The following MBD3L1 variants were observed in gnomAD, a reference collection of about 807,000 sequenced individuals.
MBD3L1 encodes methyl-CpG binding domain protein 3 like 1.
For synonymous variants in MBD3L1, 84 were observed against 85.1 expected, an observed-to-expected ratio of 0.99 and a Z score of 0.07; for missense variants, 203 against 230.1, an observed-to-expected ratio of 0.88 and a Z score of 0.76.
chr19:8,838,574 A>G (rs1396665213), intron 1 of MBD3L1, among the ~76,000 whole-genome samples: 1 of 152,166 alleles, frequency 6.6e-6, no homozygotes, highest in African/African-American at 2.4e-5. Context: ...CACACAATGA[A>G]TTCTAAAAGT....
intron 1 of MBD3L1, among the ~76,000 whole-genome samples, chr19:8,840,552 G>A (rs766417783): frequency 3.3e-5 from 5 of 152,084 alleles, no homozygotes; most frequent in South Asian, 2.1e-4. Flanking sequence ...TGGCCCTCCC[G>A]CCTCAGCCTA....
chr19:8,836,338 C>T (rs879635639), intron 1 of MBD3L1, among the ~76,000 whole-genome samples: 8 of 151,852 alleles, frequency 5.3e-5, no homozygotes, highest in African/African-American at 1.2e-4. Context: ...GAGTTCTTCT[C>T]TTCTTCCTCT....
intron 1 of MBD3L1, among the ~76,000 whole-genome samples, chr19:8,839,451 C>T (rs986514633): frequency 1.3e-5 from 2 of 152,044 alleles, no homozygotes; most frequent in Non-Finnish European, 2.9e-5. Flanking sequence ...CTGCCCGCCT[C>T]GGCCTCCCAA....
intron 1 of MBD3L1, among the ~76,000 whole-genome samples, chr19:8,836,468 C>T (rs1427644437): frequency 1.3e-5 from 2 of 150,346 alleles, no homozygotes; most frequent in African/African-American, 2.4e-5. Context: ...TCCTCCTCCC[C>T]CCCTCTCCTC....
chr19:8,837,417 A>G (rs2044466496), intron 1 of MBD3L1, among the ~76,000 whole-genome samples: 1 of 152,170 alleles, frequency 6.6e-6, no homozygotes, highest in Non-Finnish European at 1.5e-5. Context: ...TACAATCGGG[A>G]TATATTGTTA....
At position 8,840,071 on chromosome 19, in the gene MBD3L1, C is replaced by T. The variant is rs143052934; in HGVS notation, c.-106-844C>T. 9.5e-3 allele frequency among the ~76,000 whole-genome samples: 1,440 copies of T among 151,682 alleles called. 19 individuals are homozygous for T. Among genetic ancestry groups the T allele is most frequent in the African/African-American group, 0.033 (1,352 of 41,324 alleles). ...TAGAGGTATGTGCCTGTAATCCCAG[C>T]TACTTGGGAGGCTGAGGCAAGATAA... On this transcript the variant is annotated intron_variant, in intron 1 of 2. Transcript: ENST00000595891.
At chr19:8,835,639 A>G (rs2044447467) in intron 1 of MBD3L1, among the ~76,000 whole-genome samples, 1 of 152,346 alleles carries the variant, frequency 6.6e-6, no homozygotes, top group East Asian at 1.9e-4. Flanking sequence ...AAAAAGTCAT[A>G]GAGTTGCCAC....
chr19:8,836,941 G>A (rs1003600552), intron 1 of MBD3L1, among the ~76,000 whole-genome samples: 2 of 152,160 alleles, frequency 1.3e-5, no homozygotes, highest in African/African-American at 4.8e-5. Context: ...GAACAAGCCA[G>A]TAAAAACATC....
intron 1 of MBD3L1, among the ~76,000 whole-genome samples, chr19:8,839,216 G>T (rs1396473527): frequency 8.2e-6 from 1 of 121,880 alleles, no homozygotes; most frequent in Admixed American, 1.0e-4. Flanking sequence ...ACAGAGTCTC[G>T]CACTGTCGCC....
intron 1 of MBD3L1, among the ~76,000 whole-genome samples, chr19:8,838,196 C>T (rs941065424): frequency 3.5e-4 from 48 of 136,642 alleles, no homozygotes; most frequent in African/African-American, 1.3e-3. Context: ...TGCAGTGAGC[C>T]GAGATCGCAT....
At chr19:8,834,476 C>T (rs566600446) in intron 1 of MBD3L1, among the ~76,000 whole-genome samples, 1 of 151,952 alleles carries the variant, frequency 6.6e-6, no homozygotes, top group Admixed American at 6.6e-5. Context: ...GGCGTGGTGG[C>T]GGGCGCCTAT....
At chr19:8,839,523 C>A (rs2044489904) in intron 1 of MBD3L1, among the ~76,000 whole-genome samples, 1 of 152,070 alleles carries the variant, frequency 6.6e-6, no homozygotes, top group Non-Finnish European at 1.5e-5. Flanking sequence ...CTAGGGTTCA[C>A]AGCTGTAAAG....
At chr19:8,841,535 A>C (rs537971259) in intron 2 of MBD3L1, among the ~76,000 whole-genome samples, 7 of 152,148 alleles carry the variant, frequency 4.6e-5, no homozygotes, top group African/African-American at 1.4e-4. Context: ...AGAAATTTAT[A>C]GTGGGTGAAT....
intron 2 of MBD3L1, among the ~76,000 whole-genome samples, chr19:8,841,733 T>C (rs2044514890): frequency 2.6e-5 from 4 of 151,874 alleles, no homozygotes; most frequent in Admixed American, 1.3e-4. Context: ...ATTTTTGTAT[T>C]TTTTGTAGAG....
intron 1 of MBD3L1, among the ~76,000 whole-genome samples, chr19:8,839,286 G>A (rs1189041304): frequency 6.8e-6 from 1 of 146,458 alleles, no homozygotes; most frequent in Non-Finnish European, 1.5e-5. Context: ...CCAGGTTCAC[G>A]CCATTCTCCT....
At chr19:8,834,974 A>T (rs1353594087) in intron 1 of MBD3L1, among the ~76,000 whole-genome samples, 1 of 152,176 alleles carries the variant, frequency 6.6e-6, no homozygotes, top group East Asian at 1.9e-4. Flanking sequence ...TATCTGATAC[A>T]TGACTTGTAT....
intron 1 of MBD3L1, among the ~76,000 whole-genome samples, chr19:8,836,653 A>G (rs1185988126): frequency 6.6e-6 from 1 of 151,998 alleles, no homozygotes; most frequent in Non-Finnish European, 1.5e-5. Flanking sequence ...CACCACGCCC[A>G]GCTAGTTTTT....
chr19:8,841,536 G>A (rs2044512836), intron 2 of MBD3L1, among the ~76,000 whole-genome samples: 1 of 152,120 alleles, frequency 6.6e-6, no homozygotes, highest in Non-Finnish European at 1.5e-5. Context: ...GAAATTTATA[G>A]TGGGTGAATA....
At chr19:8,841,923 T>A (rs2145357328) in intron 2 of MBD3L1, among the ~76,000 whole-genome samples, 1 of 152,272 alleles carries the variant, frequency 6.6e-6, no homozygotes, top group African/African-American at 2.4e-5. Context: ...GGATTAAGGC[T>A]CAAAGAGCAG....
Sources: gnomAD v4.1 joint callset for allele counts (sites outside exome capture counted in the v4.1 genomes callset) on GRCh38, gnomAD v4.1.1 for gene constraint, MANE v1.5 for transcripts, NCBI Gene and HGNC (gene_info 2026-07-23, HGNC 2026-07-21) for gene names.